Variants in GALK2 observed in about 807,000 individuals in gnomAD.
The protein encoded by GALK2 is galactokinase 2.
A neutral mutation model predicts 52.4 loss-of-function variants in GALK2; 36 were observed. The ratio of observed to expected loss-of-function variants is 0.69; its 90% CI spans 0.53 to 0.91. The LOEUF is 0.91. Ranked by LOEUF, GALK2 falls within the 40% of genes least tolerant of loss-of-function variation. The pLI is 0.00. For missense variants in GALK2, 579 were observed against 559.1 expected, an observed-to-expected ratio of 1.04 and a Z score of -0.36; for synonymous variants, 176 against 199.1, an observed-to-expected ratio of 0.88 and a Z score of 0.98.
chr15:49,213,466 G>T (rs926139466), intron 2 of GALK2, among the ~76,000 whole-genome samples: 1 of 152,060 alleles, frequency 6.6e-6, no homozygotes, highest in East Asian at 1.9e-4. Context: ...TAGGTTTTAA[G>T]CCCCGCATGC....
chr15:49,278,509 A>G (rs1555423235), intron 5 of GALK2, among the ~76,000 whole-genome samples: 1 of 152,238 alleles, frequency 6.6e-6, no homozygotes, highest in Non-Finnish European at 1.5e-5. Flanking sequence ...TAAAGATAAC[A>G]CCAACTGTGT....
rs562333042 is a variant in GALK2, at chr15:49,265,076, G to A, written c.505-16911G>A. ...TGCCCATTCTCAGATCTCCAGCTGC[G>A]TGCTGGGAGAACCACTGCTCTCTTC... On this transcript the variant is annotated intron_variant, in intron 5 of 9. Transcript: ENST00000560031. Among the ~76,000 whole-genome samples the A allele has an allele frequency of 1.2e-3, 183 of 152,206 alleles. 1 individual carries two copies. The highest frequency in any genetic ancestry group is 4.2e-3 in the African/African-American group (174 of 41,532).
intron 7 of GALK2, among the ~76,000 whole-genome samples, chr15:49,285,720 T>G (rs1217148789): frequency 6.6e-6 from 1 of 152,180 alleles, no homozygotes. Context: ...TTATTGACTA[T>G]CACATTAGCC....
chr15:49,227,324 G>A (rs1025351332), intron 3 of GALK2, among the ~76,000 whole-genome samples: 3 of 152,094 alleles, frequency 2.0e-5, no homozygotes, highest in Non-Finnish European at 4.4e-5. Flanking sequence ...GAGTGTATAT[G>A]TGTTTAGAGT....
At chr15:49,180,846 A>G (rs2085901769) in intron 1 of GALK2, among the ~76,000 whole-genome samples, 1 of 151,980 alleles carries the variant, frequency 6.6e-6, no homozygotes, top group Non-Finnish European at 1.5e-5. Flanking sequence ...GGATCCTTTA[A>G]TGTACCTTCC....
chr15:49,298,240 A>T (rs927663720), intron 8 of GALK2, among the ~76,000 whole-genome samples: 7 of 152,176 alleles, frequency 4.6e-5, no homozygotes, highest in Non-Finnish European at 7.3e-5. Context: ...GTGTATAAAA[A>T]TACTACTGAT....
chr15:49,156,419 C>A, intron 1 of GALK2: 1 of 441,318 alleles, frequency 2.3e-6, no homozygotes. Context: ...CGCTCCCAGG[C>A]ACCCCTCTAC....
At chr15:49,267,052 G>T (rs764147609) in intron 5 of GALK2, among the ~76,000 whole-genome samples, 2 of 152,050 alleles carry the variant, frequency 1.3e-5, no homozygotes, top group African/African-American at 2.4e-5. Flanking sequence ...AGGGGTAAAG[G>T]GTGTTAAAGA....
upstream of GALK2, among the ~76,000 whole-genome samples, chr15:49,166,602 C>T (rs1449334685): frequency 2.0e-5 from 3 of 151,948 alleles, no homozygotes; most frequent in Admixed American, 6.6e-5. Flanking sequence ...CCCAGCTACT[C>T]GGGAGGCTGA....
At chr15:49,262,936 G>C (rs1340745394) in intron 5 of GALK2, among the ~76,000 whole-genome samples, 2 of 144,418 alleles carry the variant, frequency 1.4e-5, no homozygotes, top group Non-Finnish European at 3.0e-5. Context: ...CTGAGAGATA[G>C]TTTGTTATAA....
intron 8 of GALK2, 26 bp from the exon 9 acceptor site, chr15:49,319,578 C>T (rs2036717358): frequency 6.2e-7 from 1 of 1,607,788 alleles, no homozygotes; most frequent in African/African-American, 1.3e-5. Flanking sequence ...TTCCTAACCT[C>T]CTTCCCCATC....
intron 5 of GALK2, among the ~76,000 whole-genome samples, chr15:49,268,668 A>G (rs975802372): frequency 1.3e-5 from 2 of 152,184 alleles, no homozygotes; most frequent in South Asian, 2.1e-4. Flanking sequence ...CCTTACTGGT[A>G]TACCTTAGAA....
chr15:49,313,706 T>C (rs1186810745), intron 8 of GALK2, among the ~76,000 whole-genome samples: 1 of 152,242 alleles, frequency 6.6e-6, no homozygotes, highest in Non-Finnish European at 1.5e-5. Context: ...ATTGGGTGCA[T>C]AGCAGGTGCT....
intron 7 of GALK2, among the ~76,000 whole-genome samples, chr15:49,286,300 AT>A (rs1297525242): frequency 6.6e-6 from 1 of 152,212 alleles, no homozygotes; most frequent in African/African-American, 2.4e-5. Flanking sequence ...CATTTGTTCA[AT>A]AGATGAATGA....
chr15:49,285,434 G>A (rs545617738), intron 7 of GALK2, among the ~76,000 whole-genome samples: 1 of 152,288 alleles, frequency 6.6e-6, no homozygotes, highest in Admixed American at 6.5e-5. Flanking sequence ...TTAAATGTTG[G>A]TGTTCTTCAA....
intron 3 of GALK2, among the ~76,000 whole-genome samples, chr15:49,338,357 A>G (rs2040129950): frequency 1.3e-5 from 2 of 152,186 alleles, no homozygotes; most frequent in African/African-American, 4.8e-5. Context: ...CCTTGTCTGT[A>G]AAGATTTTAT....
chr15:49,345,176 T>C (rs1208297876), intron 3 of GALK2, among the ~76,000 whole-genome samples: 1 of 152,246 alleles, frequency 6.6e-6, no homozygotes, highest in African/African-American at 2.4e-5. Context: ...GGATTTTCTT[T>C]GACTTGTACA....
intron 3 of GALK2, among the ~76,000 whole-genome samples, chr15:49,339,000 A>G (rs954981239): frequency 2.4e-4 from 36 of 152,246 alleles, no homozygotes; most frequent in African/African-American, 7.9e-4. Context: ...GTTCTTCTCT[A>G]AACTGGTTAT....
intron 3 of GALK2, among the ~76,000 whole-genome samples, chr15:49,341,873 A>T (rs1488204270): frequency 6.6e-6 from 1 of 151,952 alleles, no homozygotes; most frequent in Non-Finnish European, 1.5e-5. Flanking sequence ...TTTGGTATTG[A>T]TACCTATTTT....
Sources: allele counts gnomAD v4.1 joint callset (sites outside exome capture counted in the v4.1 genomes callset), GRCh38; gene constraint gnomAD v4.1.1; transcripts MANE v1.5; gene names NCBI Gene and HGNC (gene_info 2026-07-23, HGNC 2026-07-21).